The following OR10D3 variants were observed in gnomAD, a reference collection of about 807,000 sequenced individuals.
OR10D3 encodes olfactory receptor 10D3.
For missense variants in OR10D3, 286 were observed against 153.7 expected, an observed-to-expected ratio of 1.86 and a Z score of -4.55; for synonymous variants, 100 against 57.6, an observed-to-expected ratio of 1.74 and a Z score of -3.33.
chr11:124,184,060 C>T (rs1266283748), intron 1 of OR10D3, among the ~76,000 whole-genome samples: 1 of 152,184 alleles, frequency 6.6e-6, no homozygotes, highest in Non-Finnish European at 1.5e-5. Flanking sequence ...TTATATGTAG[C>T]ACTTGTCTTG....
exon 2 of OR10D3, chr11:124,188,651 T>C (rs1861250699): frequency 6.6e-6 from 1 of 152,196 alleles, no homozygotes; most frequent in Non-Finnish European, 1.5e-5. Context: ...AAAGGCTCTG[T>C]TATTGGCCAA....
chr11:124,186,950 C>A (rs1200168936), exon 2 of OR10D3: 1 of 152,166 alleles, frequency 6.6e-6, no homozygotes, highest in African/African-American at 2.4e-5. Context: ...CAATGGCTTT[C>A]CAAACTTGAT....
At chr11:124,188,405 A>T (rs190919283) in exon 2 of OR10D3, 187 of 152,370 alleles carry the variant, frequency 1.2e-3, no homozygotes, top group African/African-American at 4.3e-3. Flanking sequence ...CTTGAAAGAA[A>T]GCTCTGTCTC....
exon 2 of OR10D3, chr11:124,185,360 T>C (rs1277854088): frequency 2.8e-6 from 2 of 703,268 alleles, no homozygotes; most frequent in East Asian, 5.4e-5. Flanking sequence ...TTTTGTCTTA[T>C]TCTTGCCCTT....
chr11:124,183,359 G>A lies in OR10D3; in HGVS notation c.-36G>A, dbSNP rs538681038. The A allele has an allele frequency of 6.6e-6, 1 of 152,278 alleles. No individual in the cohort carries two copies. The highest frequency in any genetic ancestry group is 2.1e-4 in the South Asian group (1 of 4,820). The allele number at this position is 152,278 out of a possible 1,614,324, so 9.4% of individuals were successfully genotyped here. A position where few individuals can be genotyped will look rare whatever the true frequency, so the allele number is the denominator to read the frequency against. On this transcript the variant is annotated 5_prime_UTR_variant, in exon 1 of 2. The change abolishes an upstream ATG in the 5' untranslated region. Coordinates refer to ENST00000641351, the Ensembl canonical transcript of OR10D3. Reference sequence around the variant, plus strand: ...GACTAAAAATCCTATACAAACAGATGATTAAATGATCATACTTTCTCTTTG... The same window carrying A: ...GACTAAAAATCCTATACAAACAGATAATTAAATGATCATACTTTCTCTTTG...
At chr11:124,187,701 T>C (rs2512225) in exon 2 of OR10D3, 4,259 of 152,322 alleles carry the variant, frequency 0.028, 75 homozygotes, top group Middle Eastern at 0.054. Flanking sequence ...TCTGTATCCT[T>C]GGAACTGTCA....
chr11:124,183,823 C>T (rs933537581), intron 1 of OR10D3, among the ~76,000 whole-genome samples: 3 of 152,146 alleles, frequency 2.0e-5, no homozygotes, highest in Admixed American at 1.3e-4. Context: ...CATGGATCTA[C>T]TGGCCAGAAG....
intron 1 of OR10D3, chr11:124,184,105 T>G (rs1312116130): frequency 3.3e-5 from 5 of 151,402 alleles, no homozygotes; most frequent in Non-Finnish European, 7.4e-5. Context: ...GTGTAGAGCT[T>G]CTTCTGGAGT....
exon 2 of OR10D3, chr11:124,186,428 G>C (rs1272478932): frequency 9.1e-6 from 3 of 331,388 alleles, no homozygotes; most frequent in Admixed American, 4.5e-5. Context: ...ATATAGTCTT[G>C]TTTATTGTTA....
chr11:124,183,782 A>T (rs1468587690), intron 1 of OR10D3, among the ~76,000 whole-genome samples: 1 of 152,124 alleles, frequency 6.6e-6, no homozygotes, highest in Non-Finnish European at 1.5e-5. Flanking sequence ...CAGTTTACAA[A>T]GTATTCTCAG....
At chr11:124,184,621 G>A (rs924939989) in intron 1 of OR10D3, among the ~76,000 whole-genome samples, 12 of 152,254 alleles carry the variant, frequency 7.9e-5, no homozygotes, top group African/African-American at 2.2e-4. Flanking sequence ...GAATGTAGAT[G>A]CCTAGTTCTA....
At chr11:124,185,935 A>C in exon 2 of OR10D3, 1 of 703,162 alleles carries the variant, frequency 1.4e-6, no homozygotes, top group Non-Finnish European at 2.6e-6. Flanking sequence ...CTAGAATCAC[A>C]ATATCTATCT....
intron 1 of OR10D3, among the ~76,000 whole-genome samples, 155 bp downstream of exon 1, chr11:124,183,538 G>GCCTCCTTC (rs1239265590): frequency 1.1e-4 from 7 of 63,120 alleles, no homozygotes; most frequent in African/African-American, 3.1e-4. Flanking sequence ...CTCCCTCCCT[G>GCCTCCTTC]CCTCCTTCCC....
rs1238402828 is a variant in OR10D3 at position 124,185,340 on chromosome 11, AG to A, written c.72del (p.Met25Ter). The A allele has an allele frequency of 1.4e-6, 1 of 703,216 alleles. No individual in the cohort carries two copies. Among genetic ancestry groups the A allele is most frequent in the East Asian group, 2.7e-5 (1 of 37,288 alleles). The allele number at this position is 703,216 out of a possible 1,614,324, so 43.6% of individuals were successfully genotyped here. A position where few individuals can be genotyped will look rare whatever the true frequency, so the allele number is the denominator to read the frequency against. On this transcript the variant is annotated frameshift_variant, in exon 2 of 2. Coordinates refer to ENST00000641351, the Ensembl canonical transcript of OR10D3. LOFTEE classifies it high-confidence loss of function. ...GGAATCCCACACACAGAGGGGCTGG[AG>A]ATGACACTTTTTGTCTTATTCTTGC...
At chr11:124,187,176 G>A (rs1861236072) in exon 2 of OR10D3, 1 of 152,058 alleles carries the variant, frequency 6.6e-6, no homozygotes, top group Admixed American at 6.6e-5. Context: ...AACTTTAAAG[G>A]TGTTTCTGCC....
chr11:124,186,193 T>C (rs1861224505), exon 2 of OR10D3: 1 of 700,222 alleles, frequency 1.4e-6, no homozygotes, highest in Non-Finnish European at 2.6e-6. Flanking sequence ...GGACAGGCCA[T>C]GTTCCTGAGA....
At chr11:124,183,837 A>G (rs1861190307) in intron 1 of OR10D3, among the ~76,000 whole-genome samples, 2 of 152,186 alleles carry the variant, frequency 1.3e-5, no homozygotes, top group African/African-American at 2.4e-5. Flanking sequence ...CCAGAAGAAT[A>G]GATCTTATTT....
At chr11:124,185,750 T>A (rs1359638926) in exon 2 of OR10D3, 1 of 703,652 alleles carries the variant, frequency 1.4e-6, no homozygotes, top group Non-Finnish European at 2.6e-6. Flanking sequence ...TATCTTGACC[T>A]CCCTCACCTT....
chr11:124,187,903 G>C (rs1431338266), exon 2 of OR10D3: 1 of 152,166 alleles, frequency 6.6e-6, no homozygotes, highest in African/African-American at 2.4e-5. Context: ...CCATTTTACT[G>C]TGAGAGGCCC....
Sources: allele counts gnomAD v4.1 joint callset (sites outside exome capture counted in the v4.1 genomes callset), GRCh38; gene constraint gnomAD v4.1.1; transcripts MANE v1.5; gene names NCBI Gene and HGNC (gene_info 2026-07-23, HGNC 2026-07-21).